The following POU3F2 variants were observed in gnomAD, a reference collection of about 807,000 sequenced individuals.
POU3F2 encodes the protein POU domain, class 3, transcription factor 2.
In POU3F2, 11 loss-of-function variants were observed where a neutral mutation model predicts 33.1. The observed-to-expected ratio is 0.33, with a 90% CI of 0.21 to 0.55. POU3F2 has a LOEUF of 0.55. Among genes scored for constraint, POU3F2 ranks in the 20% least tolerant of loss-of-function variants. POU3F2 has a pLI of 0.91. For missense variants in POU3F2, 456 were observed against 620.2 expected, an observed-to-expected ratio of 0.74 and a Z score of 2.81; for synonymous variants, 332 against 289.6, an observed-to-expected ratio of 1.15 and a Z score of -1.49.
rs1770007508 is a variant in POU3F2 at position 98,836,965 on chromosome 6, A to T, written c.*760A>T. ...CACATTCCCCTTACGAGGGTGTAAC[A>T]TCTATTTGTTCCTCTTACCAAAGCA... On this transcript the variant is annotated 3_prime_UTR_variant, in exon 1 of 1. Transcript: ENST00000328345. 1 of 167,106 alleles carries T rather than the reference A, an allele frequency of 6.0e-6. No homozygotes were observed. The highest frequency in any genetic ancestry group is 6.5e-5 in the Admixed American group (1 of 15,284). The allele number at this position is 167,106 out of a possible 1,614,324, so 10.4% of individuals were successfully genotyped here. A position where few individuals can be genotyped will look rare whatever the true frequency, so the allele number is the denominator to read the frequency against.
In POU3F2 at chr6:98,835,300, C is replaced by T; in HGVS notation, c.427C>T (p.Gln143Ter). ...ACAGCAGCAGCAACAGCAGCAACAGCAGCAGCAGCAGCAGCAACAGCGGCC... is the reference window on the plus strand; with the variant it reads ...ACAGCAGCAGCAACAGCAGCAACAGTAGCAGCAGCAGCAGCAACAGCGGCC... ...QQQQQQQQQQ[Q>*]QQQQQQRPPH... The change falls in exon 1 of 1, where the codon CAG becomes TAG. Residue 143 changes from glutamine to a stop codon, truncating the protein, a stop_gained. Coordinates refer to ENST00000328345, the MANE Select transcript of POU3F2 (RefSeq NM_005604.4). LOFTEE classifies it high-confidence loss of function. This position sits in a 1 kb window ranked among gnomAD's most constrained non-coding sequence, Gnocchi z 9.7. 1 of 1,544,226 alleles carries T rather than the reference C, an allele frequency of 6.5e-7. No individual in the cohort carries two copies. The highest frequency in any genetic ancestry group is 8.7e-7 in the Non-Finnish European group (1 of 1,144,446).
At position 98,837,499 on chromosome 6, in the gene POU3F2, G is replaced by T; in HGVS notation, c.*1294G>T. On this transcript the variant is annotated 3_prime_UTR_variant, in exon 1 of 1. Transcript: ENST00000328345. ...ATAAGACTGTGTTTTTTAGCACACA[G>T]ATACCCACAGCATACACTGACGATC... The T allele has an allele frequency of 6.0e-6, 1 of 166,894 alleles. No homozygotes were observed. The allele number at this position is 166,894 out of a possible 1,614,324, so 10.3% of individuals were successfully genotyped here.
rs555285288 is a variant in POU3F2 at position 98,835,936 on chromosome 6, C to A, written c.1063C>A (p.Arg355=). 2.3e-5 allele frequency: 37 copies of A among 1,614,138 alleles called. No homozygotes were observed. In the South Asian group the frequency reaches 3.8e-4, roughly 17 times the overall value. ...CAAGATCGCAGCGCAAGGGCGCAAG[C>A]GGAAAAAGCGGACCTCCATCGAGGT... is the stretch of plus-strand genomic sequence containing the variant. ...IDKIAAQGRK[R]KKRTSIEVSV... The change falls in exon 1 of 1, where the codon CGG becomes AGG. Residue 355 remains arginine (R), a synonymous_variant. Transcript: ENST00000328345. This position sits in a 1 kb window ranked among gnomAD's most constrained non-coding sequence, Gnocchi z 9.7.
chr6:98,837,896 G>A lies in POU3F2; in HGVS notation c.*1691G>A, dbSNP rs1030647423. 2 of 166,618 alleles carry A rather than the reference G, an allele frequency of 1.2e-5. No individual in the cohort carries two copies. Among genetic ancestry groups the A allele is most frequent in the African/African-American group, 2.4e-5 (1 of 41,418 alleles). The allele number at this position is 166,618 out of a possible 1,614,324, so 10.3% of individuals were successfully genotyped here. On this transcript the variant is annotated 3_prime_UTR_variant, in exon 1 of 1. Transcript: ENST00000328345. The stretch of plus-strand genomic sequence containing the variant: ...AAAAGAAAAATCAGCACAAAAGGGC[G>A]CTAAAAGGGAAAACACTTTTTATTA...
Position 98,835,330 on chromosome 6 carries a change from C to A in POU3F2, c.457C>A (p.His153Asn). The A allele has an allele frequency of 6.5e-7, 1 of 1,546,144 alleles. No individual in the cohort carries two copies. Among genetic ancestry groups the A allele is most frequent in the Non-Finnish European group, 8.7e-7 (1 of 1,145,958 alleles). The change falls in exon 1 of 1, where the codon CAT (histidine) becomes AAT (asparagine). Residue 153 changes from histidine to asparagine, a missense_variant. His to Asn is a moderately conservative substitution (Grantham distance 68, BLOSUM62 1). Coordinates refer to ENST00000328345, the MANE Select transcript of POU3F2 (RefSeq NM_005604.4). This position sits in a 1 kb window ranked among gnomAD's most constrained non-coding sequence, Gnocchi z 9.7. ...GCAGCAGCAGCAACAGCGGCCGCCG[C>A]ATCTGGTGCACCACGCCGCTAACCA... The part of the protein sequence containing the change: ...QQQQQQQRPP[H>N]LVHHAANHHP...
In POU3F2 at chr6:98,835,797, C is replaced by A; in HGVS notation, c.924C>A (p.Ile308=). ...GCAACGTGTTCTCGCAGACCACCAT[C>A]TGCAGGTTTGAGGCCCTGCAGCTGA... is the stretch of plus-strand genomic sequence containing the variant. The part of the protein sequence containing the change: ...LYGNVFSQTT[I]CRFEALQLSF... The change falls in exon 1 of 1, where the codon ATC becomes ATA. Residue 308 remains isoleucine (I), a synonymous_variant. Transcript: ENST00000328345. This position sits in a 1 kb window ranked among gnomAD's most constrained non-coding sequence, Gnocchi z 9.7. 6.2e-6 allele frequency: 10 copies of A among 1,614,216 alleles called. No individual in the cohort carries two copies. The highest frequency in any genetic ancestry group is 8.5e-6 in the Non-Finnish European group (10 of 1,180,042).
chr6:98,839,408 G>T lies in POU3F2; in HGVS notation c.*3203G>T, dbSNP rs1272506880. On this transcript the variant is annotated 3_prime_UTR_variant, in exon 1 of 1. Transcript: ENST00000328345. ...TTGTGAGTTTACTAAATGATTAGAA[G>T]TAGATCCTATACATTATTCCTGTTT... 2.0e-5 allele frequency: 3 copies of T among 152,120 alleles called. No homozygotes were observed. The highest frequency in any genetic ancestry group is 4.4e-5 in the Non-Finnish European group (3 of 68,026). 9.4% of individuals were successfully genotyped at this position (152,120 alleles called of 1,614,324 possible). A position where few individuals can be genotyped will look rare whatever the true frequency, so the allele number is the denominator to read the frequency against.
chr6:98,835,587 GCCGCCGCCC>G lies in POU3F2; in HGVS notation c.728_736del (p.Pro243_Pro245del), dbSNP rs371685985. On this transcript the variant is annotated inframe_deletion, in exon 1 of 1. Transcript: ENST00000328345. This position sits in a 1 kb window ranked among gnomAD's most constrained non-coding sequence, Gnocchi z 9.7. ...ACCCGCACTCGCACCCACACCAGCA[GCCGCCGCCC>G]CCGCCGCCCCCGCAGGGTCCGCCTG... The G allele has an allele frequency of 1.5e-4, 245 of 1,603,698 alleles. 1 individual carries two copies. The highest frequency in any genetic ancestry group is 1.5e-3 in the South Asian group (134 of 90,840).
rs1449419734 is a variant in POU3F2 at position 98,834,732 on chromosome 6, G to A, written c.-142G>A. The A allele has an allele frequency of 2.2e-6, 2 of 916,200 alleles. No homozygotes were observed. Among genetic ancestry groups the A allele is most frequent in the East Asian group, 6.0e-5 (2 of 33,270 alleles). The allele number at this position is 916,200 out of a possible 1,614,324, so 56.8% of individuals were successfully genotyped here. ...AATAGCAGGAGCAGCAACAGAAGGC[G>A]TCGGAGCGGGCGTCGGAGCTGCCCG... On this transcript the variant is annotated 5_prime_UTR_variant, in exon 1 of 1. Coordinates refer to ENST00000328345, the MANE Select transcript of POU3F2 (RefSeq NM_005604.4).
In POU3F2 at chr6:98,838,803, G is replaced by C. The variant is rs1378317735; in HGVS notation, c.*2598G>C. On this transcript the variant is annotated 3_prime_UTR_variant, in exon 1 of 1. Transcript: ENST00000328345. ...GAAATGCACAATACCTTCATAGTTT[G>C]TTCTAATTATTGAAATATCTTTATT... 1 of 158,698 alleles carries C rather than the reference G, an allele frequency of 6.3e-6. No individual in the cohort carries two copies. The highest frequency in any genetic ancestry group is 1.5e-5 in the Non-Finnish European group (1 of 68,036). The allele number at this position is 158,698 out of a possible 1,614,324, so 9.8% of individuals were successfully genotyped here.
In POU3F2 at chr6:98,835,464, G is replaced by C. The variant is rs1458036965; in HGVS notation, c.591G>C (p.Val197=). The C allele has an allele frequency of 6.3e-7, 1 of 1,582,254 alleles. No homozygotes were observed. The highest frequency in any genetic ancestry group is 1.8e-4 in the Middle Eastern group (1 of 5,652). The part of the protein sequence containing the change: ...GLLYSQPSFT[V]NGMLGAGGQP... ...TCTACTCGCAGCCCAGCTTCACGGTGAACGGCATGCTGGGCGCCGGCGGGC... is the reference window on the plus strand; with the variant it reads ...TCTACTCGCAGCCCAGCTTCACGGTCAACGGCATGCTGGGCGCCGGCGGGC... Residue 197 remains valine, a synonymous_variant, in exon 1 of 1, where the codon GTG becomes GTC. Coordinates refer to ENST00000328345, the MANE Select transcript of POU3F2 (RefSeq NM_005604.4). The surrounding 1 kb of genome is among the most constrained non-coding windows in gnomAD (Gnocchi z 9.7).
rs1185906081 is a variant in POU3F2 at position 98,835,498 on chromosome 6, G to A, written c.625G>A (p.Gly209Ser). The stretch of plus-strand genomic sequence containing the variant: ...GCTGGGCGCCGGCGGGCAGCCGGCC[G>A]GTCTGCACCACCACGGCCTGCGGGA... ...GMLGAGGQPA[G>S]LHHHGLRDAH... Residue 209 changes from glycine (G) to serine (S), a missense_variant, in exon 1 of 1, where the codon GGT becomes AGT. Gly to Ser is a moderately conservative substitution (Grantham distance 56, BLOSUM62 0). Coordinates refer to ENST00000328345, the MANE Select transcript of POU3F2 (RefSeq NM_005604.4). The surrounding 1 kb of genome is among the most constrained non-coding windows in gnomAD (Gnocchi z 9.7). The A allele has an allele frequency of 2.6e-6, 4 of 1,568,308 alleles. No individual in the cohort carries two copies. The highest frequency in any genetic ancestry group is 1.4e-5 in the African/African-American group (1 of 71,858).
At position 98,836,913 on chromosome 6, in the gene POU3F2, G is replaced by T. The variant is rs1469934390; in HGVS notation, c.*708G>T. ...AATGTTCTTGTGTTGCCCCTTCTTC[G>T]TACTGTTTGTGAACTTTGGTTACCT... On this transcript the variant is annotated 3_prime_UTR_variant, in exon 1 of 1. Transcript: ENST00000328345. 6.0e-6 allele frequency: 1 copy of T among 167,030 alleles called. No homozygotes were observed. The highest frequency in any genetic ancestry group is 1.9e-4 in the East Asian group (1 of 5,204). 10.3% of individuals were successfully genotyped at this position (167,030 alleles called of 1,614,324 possible).
At position 98,834,694 on chromosome 6, in the gene POU3F2, C is replaced by T. The variant is rs573432263; in HGVS notation, c.-180C>T. 4.2e-4 allele frequency: 279 copies of T among 663,606 alleles called. No homozygotes were observed. The African/African-American group carries it at 4.6e-3, about 11-fold the overall frequency. The allele number at this position is 663,606 out of a possible 1,614,324, so 41.1% of individuals were successfully genotyped here. A position where few individuals can be genotyped will look rare whatever the true frequency, so the allele number is the denominator to read the frequency against. ...GGCGGGCGGGAGGCGGCGGCGGCGG[C>T]AGCAGCAGCAGTAATAGCAGGAGCA... is the stretch of plus-strand genomic sequence containing the variant. On this transcript the variant is annotated 5_prime_UTR_variant, in exon 1 of 1. Coordinates refer to ENST00000328345, the MANE Select transcript of POU3F2 (RefSeq NM_005604.4).
At position 98,835,484 on chromosome 6, in the gene POU3F2, G is replaced by A. The variant is rs769130084; in HGVS notation, c.611G>A (p.Gly204Asp). 4 of 1,569,314 alleles carry A rather than the reference G, an allele frequency of 2.5e-6. No individual in the cohort carries two copies. The highest frequency in any genetic ancestry group is 2.4e-5 in the East Asian group (1 of 41,046). The change falls in exon 1 of 1, where the codon GGC (glycine) becomes GAC (aspartate). Residue 204 changes from glycine (G) to aspartate (D), a missense_variant. Physicochemically the swap from Gly to Asp is moderately conservative, Grantham distance 94 (BLOSUM62 -1). Transcript: ENST00000328345. The surrounding 1 kb of genome is among the most constrained non-coding windows in gnomAD (Gnocchi z 9.7). ...SFTVNGMLGA[G>D]GQPAGLHHHG... Reference sequence around the variant, plus strand: ...ACGGTGAACGGCATGCTGGGCGCCGGCGGGCAGCCGGCCGGTCTGCACCAC... The same window carrying A: ...ACGGTGAACGGCATGCTGGGCGCCGACGGGCAGCCGGCCGGTCTGCACCAC...
chr6:98,835,596 C>G lies in POU3F2; in HGVS notation c.723C>G (p.Pro241=), dbSNP rs769221931. The change falls in exon 1 of 1, where the codon CCC becomes CCG. Residue 241 remains proline, a synonymous_variant. Coordinates refer to ENST00000328345, the MANE Select transcript of POU3F2 (RefSeq NM_005604.4). The surrounding 1 kb of genome is among the most constrained non-coding windows in gnomAD (Gnocchi z 9.7). The part of the protein sequence containing the change: ...PHSHPHQQPP[P]PPPPQGPPGH... ...CGCACCCACACCAGCAGCCGCCGCC[C>G]CCGCCGCCCCCGCAGGGTCCGCCTG... 1 of 1,607,314 alleles carries G rather than the reference C, an allele frequency of 6.2e-7. No homozygotes were observed. The highest frequency in any genetic ancestry group is 1.1e-5 in the South Asian group (1 of 90,654).
rs779079741 is a variant in POU3F2, at chr6:98,835,974, G to A, written c.1101G>A (p.Gly367=). Reference sequence around the variant, plus strand: ...CCTCCATCGAGGTGAGCGTCAAGGGGGCTCTGGAGAGCCATTTCCTCAAAT... The same window carrying A: ...CCTCCATCGAGGTGAGCGTCAAGGGAGCTCTGGAGAGCCATTTCCTCAAAT... ...KRTSIEVSVK[G]ALESHFLKCP... Residue 367 remains glycine (G), a synonymous_variant, in exon 1 of 1, where the codon GGG becomes GGA. Coordinates refer to ENST00000328345, the MANE Select transcript of POU3F2 (RefSeq NM_005604.4). This position sits in a 1 kb window ranked among gnomAD's most constrained non-coding sequence, Gnocchi z 9.7. 1.9e-6 allele frequency: 3 copies of A among 1,613,882 alleles called. No homozygotes were observed. The highest frequency in any genetic ancestry group is 1.7e-5 in the Admixed American group (1 of 59,904).
chr6:98,835,739 C>A lies in POU3F2; in HGVS notation c.866C>A (p.Ala289Glu), dbSNP rs1769989684. ...QRRIKLGFTQADVGLALGTLY... is the reference protein window; with the variant it reads ...QRRIKLGFTQEDVGLALGTLY... Reference sequence around the variant, plus strand: ...CGGATCAAACTGGGATTTACCCAAGCGGACGTGGGGCTGGCTCTGGGCACC... The same window carrying A: ...CGGATCAAACTGGGATTTACCCAAGAGGACGTGGGGCTGGCTCTGGGCACC... Residue 289 changes from alanine (A) to glutamate (E), a missense_variant, in exon 1 of 1, where the codon GCG (alanine) becomes GAG (glutamate). Physicochemically the swap from Ala to Glu is moderately radical, Grantham distance 107. Coordinates refer to ENST00000328345, the MANE Select transcript of POU3F2 (RefSeq NM_005604.4). The surrounding 1 kb of genome is among the most constrained non-coding windows in gnomAD (Gnocchi z 9.7). The A allele has an allele frequency of 1.9e-6, 3 of 1,613,922 alleles. No individual in the cohort carries two copies. Among genetic ancestry groups the A allele is most frequent in the African/African-American group, 1.3e-5 (1 of 74,942 alleles).
chr6:98,838,797 T>G lies in POU3F2; in HGVS notation c.*2592T>G, dbSNP rs545561842. 6.3e-6 allele frequency: 1 copy of G among 159,274 alleles called. No homozygotes were observed. Among genetic ancestry groups the G allele is most frequent in the Non-Finnish European group, 1.5e-5 (1 of 68,076 alleles). 9.9% of individuals were successfully genotyped at this position (159,274 alleles called of 1,614,324 possible). A position where few individuals can be genotyped will look rare whatever the true frequency, so the allele number is the denominator to read the frequency against. On this transcript the variant is annotated 3_prime_UTR_variant, in exon 1 of 1. Coordinates refer to ENST00000328345, the MANE Select transcript of POU3F2 (RefSeq NM_005604.4). ...AAAACAGAAATGCACAATACCTTCA[T>G]AGTTTGTTCTAATTATTGAAATATC... is the stretch of plus-strand genomic sequence containing the variant.
Sources: allele counts gnomAD v4.1 joint callset, GRCh38; gene constraint gnomAD v4.1.1; non-coding constraint Gnocchi (gnomAD v3.1); transcripts MANE v1.5; gene names NCBI Gene and HGNC (gene_info 2026-07-23, HGNC 2026-07-21).